Variants in AK4 observed in about 807,000 individuals in gnomAD.
AK4 encodes the protein adenylate kinase 4, mitochondrial.
In AK4, 13 loss-of-function variants were observed where a neutral mutation model predicts 24.6. The observed-to-expected ratio is 0.53, with a 90% CI of 0.34 to 0.84. AK4 has a LOEUF of 0.84. Among genes scored for constraint, AK4 ranks in the 40% least tolerant of loss-of-function variants. The pLI is 0.01. For missense variants in AK4, 192 were observed against 288.2 expected (o/e 0.67, Z 2.42); for synonymous variants, 88 against 107.0 (o/e 0.82, Z 1.10).
At chr1:65,202,777 T>A (rs1651699704) in intron 2 of AK4, among the ~76,000 whole-genome samples, 1 of 151,434 alleles carries the variant, frequency 6.6e-6, no homozygotes, top group African/African-American at 2.4e-5. Flanking sequence ...CAAACCATGA[T>A]GCTAAGAAGA....
intron 1 of AK4, among the ~76,000 whole-genome samples, chr1:65,161,276 T>G (rs1650149441): frequency 6.6e-6 from 1 of 152,150 alleles, no homozygotes. Flanking sequence ...TATTCATTTG[T>G]CCCATTTGTC....
At chr1:65,165,700 AT>A (rs1320789263) in intron 1 of AK4, among the ~76,000 whole-genome samples, 1 of 152,016 alleles carries the variant, frequency 6.6e-6, no homozygotes, top group Non-Finnish European at 1.5e-5. Flanking sequence ...TATGATGTGG[AT>A]TGTAGTGGGG....
At chr1:65,220,404 T>C (rs1652260011) in intron 3 of AK4, among the ~76,000 whole-genome samples, 1 of 152,240 alleles carries the variant, frequency 6.6e-6, no homozygotes, top group Admixed American at 6.5e-5. Context: ...GTAAGTGTTT[T>C]AGATTTCAGC....
intron 1 of AK4, among the ~76,000 whole-genome samples, chr1:65,165,555 T>A (rs1451958448): frequency 7.0e-6 from 1 of 142,190 alleles, no homozygotes; most frequent in Non-Finnish European, 1.5e-5. Context: ...GGAGATCCCA[T>A]GTCTGGAAAA....
chr1:65,204,202 A>G (rs527242050), intron 2 of AK4, among the ~76,000 whole-genome samples: 12 of 148,444 alleles, frequency 8.1e-5, no homozygotes, highest in Non-Finnish European at 1.0e-4. Context: ...AATCTTACTG[A>G]ATTTTTTTTT....
chr1:65,154,434 A>G, intron 1 of AK4: 1 of 454,368 alleles, frequency 2.2e-6, no homozygotes, highest in East Asian at 5.9e-5. Flanking sequence ...GAGCACATGC[A>G]TGGGCTAGCT....
intron 1 of AK4, among the ~76,000 whole-genome samples, chr1:65,180,910 G>A (rs562312037): frequency 6.6e-6 from 1 of 152,250 alleles, no homozygotes; most frequent in Non-Finnish European, 1.5e-5. Context: ...TCCCATACAT[G>A]CAGTCTGATA....
chr1:65,190,165 C>T (rs1651244744), intron 1 of AK4, among the ~76,000 whole-genome samples: 1 of 152,080 alleles, frequency 6.6e-6, no homozygotes, highest in African/African-American at 2.4e-5. Context: ...TTTTTATGTA[C>T]CATCCTGCTT....
At chr1:65,154,019 G>T (rs1649887523) in intron 1 of AK4, among the ~76,000 whole-genome samples, 1 of 152,168 alleles carries the variant, frequency 6.6e-6, no homozygotes, top group South Asian at 2.1e-4. Context: ...TATTCCAAGG[G>T]CACTGGAAAG....
At chr1:65,156,190 T>C (rs908319518) in intron 1 of AK4, among the ~76,000 whole-genome samples, 3 of 152,226 alleles carry the variant, frequency 2.0e-5, no homozygotes, top group African/African-American at 7.2e-5. Context: ...TAGTAAAATT[T>C]TCAAATAATA....
At chr1:65,190,260 C>CT (rs552566388) in intron 1 of AK4, among the ~76,000 whole-genome samples, 8,490 of 144,058 alleles carry the variant, frequency 0.059, 431 homozygotes, top group African/African-American at 0.14. Context: ...TTCTTTCTTT[C>CT]TTTTTTTTTT....
In AK4 at chr1:65,228,366, A is replaced by G. The variant is rs1193324981; in HGVS notation, c.*2189A>G. 4 of 151,758 alleles carry G rather than the reference A, an allele frequency of 2.6e-5. No individual in the cohort carries two copies. The highest frequency in any genetic ancestry group is 4.4e-5 in the Non-Finnish European group (3 of 67,982). The allele number at this position is 151,758 out of a possible 1,614,324, so 9.4% of individuals were successfully genotyped here. On this transcript the variant is annotated 3_prime_UTR_variant, in exon 5 of 5. Transcript: ENST00000327299. ...GAAGTGGCCTGATCCCTGCTTCCAT[A>G]CTTCACTCCTCCATCCATCCTTCCC...
In AK4 at chr1:65,230,808, C is replaced by T. The variant is rs995011157; in HGVS notation, c.*4631C>T. ...TCAGAGTCACACTGGTAGTTGCACA[C>T]TGTATCTACAGAGGGCGTGTCTCAT... On this transcript the variant is annotated 3_prime_UTR_variant, in exon 5 of 5. Transcript: ENST00000327299. The T allele has an allele frequency of 7.2e-5, 11 of 152,194 alleles. No homozygotes were observed. Among genetic ancestry groups the T allele is most frequent in the African/African-American group, 2.7e-4 (11 of 41,442 alleles). 9.4% of individuals were successfully genotyped at this position (152,194 alleles called of 1,614,324 possible).
chr1:65,186,526 T>G (rs1037613582), intron 1 of AK4, among the ~76,000 whole-genome samples: 3 of 152,240 alleles, frequency 2.0e-5, no homozygotes, highest in Non-Finnish European at 4.4e-5. Flanking sequence ...TTTCCTTCTT[T>G]GAGCTAATAA....
chr1:65,148,355 C>T lies in AK4; in HGVS notation c.-53C>T, dbSNP rs1649635676. The T allele has an allele frequency of 1.3e-6, 2 of 1,509,132 alleles. No homozygotes were observed. The highest frequency in any genetic ancestry group is 5.0e-5 in the East Asian group (2 of 40,378). The allele number at this position is 1,509,132 out of a possible 1,614,324, so 93.5% of individuals were successfully genotyped here. ...AGAAACAAAGTTCCCGGGGCTTCCT[C>T]CGGGGCCGCGGTCGGGGCTGCGCGT... is the stretch of plus-strand genomic sequence containing the variant. On this transcript the variant is annotated 5_prime_UTR_variant, in exon 1 of 5. Coordinates refer to ENST00000327299, the MANE Select transcript of AK4 (RefSeq NM_013410.4).
At chr1:65,204,758 A>G (rs4915684) in intron 2 of AK4, among the ~76,000 whole-genome samples, 60,527 of 151,920 alleles carry the variant, frequency 0.4, 12,481 homozygotes, top group East Asian at 0.67. Context: ...CTTACCCTTC[A>G]TCTCTCCCAG....
chr1:65,157,162 T>G (rs1446030595), intron 1 of AK4, among the ~76,000 whole-genome samples: 2 of 152,176 alleles, frequency 1.3e-5, no homozygotes, highest in Non-Finnish European at 2.9e-5. Flanking sequence ...GTTGTTTTGG[T>G]TAAAGTATTT....
chr1:65,178,585 A>T (rs1219363226), intron 1 of AK4, among the ~76,000 whole-genome samples: 1 of 152,210 alleles, frequency 6.6e-6, no homozygotes, highest in East Asian at 1.9e-4. Context: ...AAGGTAAGAT[A>T]GGAGAAAAAT....
intron 1 of AK4, among the ~76,000 whole-genome samples, chr1:65,150,091 C>A (rs1649714951): frequency 6.6e-6 from 1 of 152,082 alleles, no homozygotes; most frequent in Non-Finnish European, 1.5e-5. Flanking sequence ...TTCCATAATT[C>A]TCTGTACCTT....
Sources: gnomAD v4.1 joint callset for allele counts (sites outside exome capture counted in the v4.1 genomes callset) on GRCh38, gnomAD v4.1.1 for gene constraint, MANE v1.5 for transcripts, NCBI Gene and HGNC (gene_info 2026-07-23, HGNC 2026-07-21) for gene names.